Variants in DAAM2 observed in about 807,000 individuals in gnomAD.
DAAM2 encodes dishevelled associated activator of morphogenesis 2.
In DAAM2, 39 loss-of-function variants were observed where a neutral mutation model predicts 120.7. That is an observed-to-expected ratio of 0.32 (90% confidence interval 0.25 to 0.42). The LOEUF (loss-of-function observed/expected upper bound fraction) is 0.42, where lower values mean the gene tolerates loss of function less well. Among genes scored for constraint, DAAM2 ranks in the 10% least tolerant of loss-of-function variants. The pLI is 1.00. For synonymous variants in DAAM2, 488 were observed against 524.9 expected (o/e 0.93, Z 0.96); for missense variants, 1,283 against 1,401.7 (o/e 0.92, Z 1.35).
chr6:39,834,051 C>T (rs191077340), intron 1 of DAAM2, among the ~76,000 whole-genome samples: 11 of 152,246 alleles, frequency 7.2e-5, no homozygotes, highest in Admixed American at 1.3e-4. Flanking sequence ...TTCTTGACCC[C>T]GTCGTATGCC....
rs138611904 is a variant in DAAM2 at position 39,901,805 on chromosome 6, G to C, written c.2983-8G>C. ...AGAGGGTTCCTATCTTTGGCCCCCCGCCCGCAGCTGAAGGAGCAGAGGGAA... is the reference window on the plus strand; with the variant it reads ...AGAGGGTTCCTATCTTTGGCCCCCCCCCCGCAGCTGAAGGAGCAGAGGGAA... On this transcript the variant is annotated splice_polypyrimidine_tract_variant and splice_region_variant and intron_variant, in intron 24 of 24. Coordinates refer to ENST00000274867, the MANE Select transcript of DAAM2 (RefSeq NM_001201427.2). This position sits in a 1 kb window ranked among gnomAD's most constrained non-coding sequence, Gnocchi z 4.5. The C allele has an allele frequency of 2.0e-5, 31 of 1,520,642 alleles. No homozygotes were observed. In the African/African-American group the frequency reaches 3.3e-4, roughly 16 times the overall value. 94.2% of individuals were successfully genotyped at this position (1,520,642 alleles called of 1,614,324 possible). A position where few individuals can be genotyped will look rare whatever the true frequency, so the allele number is the denominator to read the frequency against.
chr6:39,829,348 T>C (rs918874283), intron 1 of DAAM2, among the ~76,000 whole-genome samples: 2 of 152,200 alleles, frequency 1.3e-5, no homozygotes, highest in Non-Finnish European at 2.9e-5. Context: ...TTTCTGGCCA[T>C]TATCCTCAGT....
intron 1 of DAAM2, among the ~76,000 whole-genome samples, chr6:39,848,142 CTTCA>C (rs139188380): frequency 0.026 from 4,023 of 152,280 alleles, 126 homozygotes; most frequent in African/African-American, 0.088. Context: ...TGAGGCCCAG[CTTCA>C]TTGACACTTC....
chr6:39,883,923 G>A, intron 14 of DAAM2, 39 bp from the exon 15 acceptor site: 1 of 1,405,372 alleles, frequency 7.1e-7, no homozygotes, highest in Non-Finnish European at 1.0e-6. Flanking sequence ...TGATGGAGTT[G>A]GGCCAACCAT....
At chr6:39,893,439 A>C (rs1582759271) in intron 19 of DAAM2, among the ~76,000 whole-genome samples, 1 of 151,978 alleles carries the variant, frequency 6.6e-6, no homozygotes, top group South Asian at 2.1e-4. Flanking sequence ...AATGGCATGA[A>C]CCCAGGAGGC....
chr6:39,843,156 C>T (rs562432459), intron 1 of DAAM2, among the ~76,000 whole-genome samples: 1 of 152,220 alleles, frequency 6.6e-6, no homozygotes, highest in East Asian at 1.9e-4. Flanking sequence ...TAGCTCTTAT[C>T]AAGTTCCTGC....
chr6:39,874,858 G>A (rs186344478), intron 10 of DAAM2, among the ~76,000 whole-genome samples: 2 of 152,216 alleles, frequency 1.3e-5, no homozygotes, highest in Non-Finnish European at 2.9e-5. Context: ...TTGACTCTCA[G>A]TGCACACCTG....
At chr6:39,856,920 G>T (rs954665637) in intron 2 of DAAM2, among the ~76,000 whole-genome samples, 1 of 152,210 alleles carries the variant, frequency 6.6e-6, no homozygotes, top group East Asian at 1.9e-4. Context: ...CTCGGAACAG[G>T]GGATGATTGG....
chr6:39,801,756 C>T (rs958436032), intron 1 of DAAM2, among the ~76,000 whole-genome samples: 2 of 152,172 alleles, frequency 1.3e-5, no homozygotes, highest in East Asian at 1.9e-4. Flanking sequence ...ATGCTTGATC[C>T]GCCAGACTCC....
intron 1 of DAAM2, among the ~76,000 whole-genome samples, chr6:39,810,983 T>C (rs1302226357): frequency 6.6e-6 from 1 of 152,178 alleles, no homozygotes; most frequent in Non-Finnish European, 1.5e-5. Context: ...TGGCTTGGCC[T>C]GGGTGTTGTG....
chr6:39,799,110 GT>G (rs1761786716), intron 1 of DAAM2, among the ~76,000 whole-genome samples: 1 of 151,942 alleles, frequency 6.6e-6, no homozygotes, highest in Non-Finnish European at 1.5e-5. Context: ...GAGCTACCCA[GT>G]TTATCGACTA....
At chr6:39,808,075 CTT>C (rs34459856) in intron 1 of DAAM2, among the ~76,000 whole-genome samples, 55,885 of 139,848 alleles carry the variant, frequency 0.4, 11,654 homozygotes, top group Non-Finnish European at 0.48. Flanking sequence ...TGTTTTTGAC[CTT>C]TTTTTTTTTT....
chr6:39,868,735 A>G, intron 6 of DAAM2, 88 bp from the exon 7 acceptor site: 1 of 898,260 alleles, frequency 1.1e-6, no homozygotes. Flanking sequence ...CATTCTAGGT[A>G]GTGGAGGCGA....
At chr6:39,891,258 C>G in intron 17 of DAAM2, 83 bp from the exon 18 acceptor site, 2 of 1,106,352 alleles carry the variant, frequency 1.8e-6, no homozygotes, top group Non-Finnish European at 1.3e-6. Flanking sequence ...CATCTTGACC[C>G]AAGTCAGTAC....
chr6:39,878,720 G>C lies in DAAM2; in HGVS notation c.1545+132G>C, dbSNP rs1048963755. On this transcript the variant is annotated intron_variant, in intron 13 of 24. Transcript: ENST00000274867. This position sits in a 1 kb window ranked among gnomAD's most constrained non-coding sequence, Gnocchi z 5.0. ...AAGGGAGATGGAGACCTTGGGCCAG[G>C]ATAGAAGAGACCCTTGAGGCTGTAC... 15 of 906,210 alleles carry C rather than the reference G, an allele frequency of 1.7e-5. No homozygotes were observed. The highest frequency in any genetic ancestry group is 2.5e-5 in the Non-Finnish European group (15 of 602,632). The allele number at this position is 906,210 out of a possible 1,614,324, so 56.1% of individuals were successfully genotyped here.
At chr6:39,818,054 C>T (rs1762359852) in intron 1 of DAAM2, among the ~76,000 whole-genome samples, 1 of 151,954 alleles carries the variant, frequency 6.6e-6, no homozygotes, top group Non-Finnish European at 1.5e-5. Context: ...TAGCACACGC[C>T]TGTAGTCCTA....
intron 1 of DAAM2, among the ~76,000 whole-genome samples, chr6:39,846,243 A>G (rs1763584974): frequency 6.6e-6 from 1 of 152,136 alleles, no homozygotes; most frequent in Non-Finnish European, 1.5e-5. Flanking sequence ...GGCATACAGT[A>G]GGTGCTAAAA....
rs1766723394 is a variant in DAAM2, at chr6:39,904,727, A to G, written c.*2690A>G. 1 of 454,152 alleles carries G rather than the reference A, an allele frequency of 2.2e-6. No individual in the cohort carries two copies. Among genetic ancestry groups the G allele is most frequent in the South Asian group, 1.6e-5 (1 of 64,472 alleles). The allele number at this position is 454,152 out of a possible 1,614,324, so 28.1% of individuals were successfully genotyped here. On this transcript the variant is annotated 3_prime_UTR_variant, in exon 25 of 25. Transcript: ENST00000274867. ...CCCGACTTCTACCAGGGATGCCTTCACGCCAAGGCTGTTCTCACCAGCTGC... is the reference window on the plus strand; with the variant it reads ...CCCGACTTCTACCAGGGATGCCTTCGCGCCAAGGCTGTTCTCACCAGCTGC...
chr6:39,878,418 G>T lies in DAAM2; in HGVS notation c.1375G>T (p.Val459Leu). The T allele has an allele frequency of 6.2e-7, 1 of 1,612,204 alleles. No individual in the cohort carries two copies. The highest frequency in any genetic ancestry group is 8.5e-7 in the Non-Finnish European group (1 of 1,179,048). ...CCCCATTCCAGAACACATGGAGCTT[G>T]TGAGCCGTCTGGAGAGGAAGGAGCG... The part of the protein sequence containing the change: ...EKFRKEHMEL[V>L]SRLERKEREC... The change falls in exon 13 of 25, where the codon GTG (valine) becomes TTG (leucine). Residue 459 changes from valine to leucine, a missense_variant. Transcript: ENST00000274867. This position sits in a 1 kb window ranked among gnomAD's most constrained non-coding sequence, Gnocchi z 5.0.
Sources: allele counts gnomAD v4.1 joint callset (sites outside exome capture counted in the v4.1 genomes callset), GRCh38; gene constraint gnomAD v4.1.1; non-coding constraint Gnocchi (gnomAD v3.1); transcripts MANE v1.5; gene names NCBI Gene and HGNC (gene_info 2026-07-23, HGNC 2026-07-21).